Variants in TRAPPC9 observed in about 807,000 individuals in gnomAD.
The protein encoded by TRAPPC9 is trafficking protein particle complex subunit 9.
In TRAPPC9, 83 loss-of-function variants were observed where a neutral mutation model predicts 124.0. That is an observed-to-expected ratio of 0.67 (90% CI 0.56 to 0.80). The LOEUF is 0.80. Ranked by LOEUF, TRAPPC9 falls within the 30% of genes least tolerant of loss-of-function variation. The pLI is 0.00. For missense variants in TRAPPC9, 1,302 were observed against 1,508.3 expected, an observed-to-expected ratio of 0.86 and a Z score of 2.27; for synonymous variants, 638 against 617.5, an observed-to-expected ratio of 1.03 and a Z score of -0.49.
At chr8:140,338,468 A>G (rs1588173241) in intron 9 of TRAPPC9, among the ~76,000 whole-genome samples, 4 of 152,236 alleles carry the variant, frequency 2.6e-5, no homozygotes, top group African/African-American at 7.2e-5. Flanking sequence ...ACCATGGTGC[A>G]TGGTACAGGT....
chr8:140,114,096 T>G (rs1357319409), intron 17 of TRAPPC9, among the ~76,000 whole-genome samples: 1 of 152,174 alleles, frequency 6.6e-6, no homozygotes, highest in Non-Finnish European at 1.5e-5. Context: ...GCACCTCCAG[T>G]AGCATAGCTG....
chr8:140,047,166 T>A (rs1202647369), intron 17 of TRAPPC9, among the ~76,000 whole-genome samples: 1 of 152,194 alleles, frequency 6.6e-6, no homozygotes, highest in Non-Finnish European at 1.5e-5. Flanking sequence ...AGGAGCTAAA[T>A]ATAGCTCCTC....
chr8:140,450,496 G>A lies in TRAPPC9; in HGVS notation c.584+294C>T, dbSNP rs139109428. 1.5e-3 allele frequency among the ~76,000 whole-genome samples: 226 copies of A among 152,302 alleles called. 3 individuals carry two copies. The East Asian group carries it at 0.036, about 24-fold the overall frequency. On this transcript the variant is annotated intron_variant, in intron 2 of 22. Coordinates refer to ENST00000438773, the MANE Select transcript of TRAPPC9 (RefSeq NM_001160372.4). Reference sequence around the variant, plus strand: ...AAAGCCACAACTGGCTGTGGCTGCTGTATGGGACAGAGCTCCAGGAGTCCC... The same window carrying A: ...AAAGCCACAACTGGCTGTGGCTGCTATATGGGACAGAGCTCCAGGAGTCCC...
intron 21 of TRAPPC9, among the ~76,000 whole-genome samples, chr8:139,828,836 G>C (rs1301608450): frequency 6.6e-6 from 1 of 152,172 alleles, no homozygotes; most frequent in Non-Finnish European, 1.5e-5. Context: ...TGAAACCAAT[G>C]AATAAGAGAT....
rs1159278685 is a variant in TRAPPC9 at position 140,411,881 on chromosome 8, T to C, written c.887-6183A>G. ...AAGGAGAAAAGAAAAAAAAAGCTCC[T>C]GCTTATAGTAAAATGCGAATAAACA... On this transcript the variant is annotated intron_variant, in intron 5 of 22. Coordinates refer to ENST00000438773, the MANE Select transcript of TRAPPC9 (RefSeq NM_001160372.4). 2.0e-5 allele frequency among the ~76,000 whole-genome samples: 3 copies of C among 152,170 alleles called. No homozygotes were observed. The East Asian group carries it at 5.8e-4, about 29-fold the overall frequency.
intron 17 of TRAPPC9, among the ~76,000 whole-genome samples, chr8:140,175,852 T>C (rs946785715): frequency 1.3e-5 from 2 of 152,212 alleles, no homozygotes; most frequent in Non-Finnish European, 2.9e-5. Flanking sequence ...ATGCAAAACA[T>C]CTACAACTAT....
At chr8:140,149,269 A>G (rs759808933) in intron 17 of TRAPPC9, among the ~76,000 whole-genome samples, 4 of 152,170 alleles carry the variant, frequency 2.6e-5, no homozygotes, top group Non-Finnish European at 5.9e-5. Flanking sequence ...CTTCCAATGG[A>G]CCAGGAAGTT....
intron 16 of TRAPPC9, among the ~76,000 whole-genome samples, chr8:140,232,077 T>A (rs1051979432): frequency 1.3e-5 from 2 of 151,626 alleles, no homozygotes; most frequent in African/African-American, 4.8e-5. Context: ...CCCAGCCTGT[T>A]TTTTTTAAAA....
chr8:139,981,024 T>C (rs1836857886), intron 19 of TRAPPC9, among the ~76,000 whole-genome samples: 1 of 152,206 alleles, frequency 6.6e-6, no homozygotes, highest in Admixed American at 6.5e-5. Flanking sequence ...AGAATTTCTC[T>C]TGTCACCTGA....
At chr8:139,910,383 G>A (rs773717606) in intron 19 of TRAPPC9, 83 bp from the exon 20 acceptor site, 70 of 1,311,176 alleles carry the variant, frequency 5.3e-5, no homozygotes, top group Admixed American at 2.4e-4. Flanking sequence ...ACATGCCAGC[G>A]TGAGACACTA....
At chr8:139,876,300 A>T (rs1173436519) in intron 21 of TRAPPC9, among the ~76,000 whole-genome samples, 2 of 152,206 alleles carry the variant, frequency 1.3e-5, no homozygotes, top group African/African-American at 4.8e-5. Flanking sequence ...TCAGGGCAGA[A>T]GGTGCTGTTC....
At chr8:139,969,245 C>T (rs7017074) in intron 19 of TRAPPC9, among the ~76,000 whole-genome samples, 30,935 of 152,256 alleles carry the variant, frequency 0.2, 4,158 homozygotes, top group East Asian at 0.48. Flanking sequence ...ACACCTCCCA[C>T]CCCAGGGCAG....
intron 21 of TRAPPC9, among the ~76,000 whole-genome samples, chr8:139,744,981 C>G (rs555038696): frequency 5.3e-5 from 8 of 152,336 alleles, no homozygotes; most frequent in Non-Finnish European, 1.0e-4. Context: ...GATGCCAGGG[C>G]CCCTGTGGAG....
chr8:140,022,771 T>C (rs1052883707), intron 18 of TRAPPC9, among the ~76,000 whole-genome samples: 3 of 151,912 alleles, frequency 2.0e-5, no homozygotes, highest in Non-Finnish European at 4.4e-5. Flanking sequence ...CAGAGGCGGG[T>C]CTTGGCAGGA....
chr8:139,779,774 A>C (rs1256774778), intron 21 of TRAPPC9, among the ~76,000 whole-genome samples: 1 of 151,428 alleles, frequency 6.6e-6, no homozygotes, highest in Non-Finnish European at 1.5e-5. Context: ...AGAAAATCTA[A>C]AAGAATTGAC....
intron 7 of TRAPPC9, among the ~76,000 whole-genome samples, chr8:140,375,002 G>A (rs2068393663): frequency 6.6e-6 from 1 of 152,186 alleles, no homozygotes; most frequent in Non-Finnish European, 1.5e-5. Context: ...GTTCCTTAAT[G>A]GGAAAAGCTC....
At chr8:139,875,583 G>A (rs536937821) in intron 21 of TRAPPC9, among the ~76,000 whole-genome samples, 46 of 152,242 alleles carry the variant, frequency 3.0e-4, no homozygotes, top group African/African-American at 1.1e-3. Context: ...GACAGCCTTC[G>A]CCCCCCACAC....
intron 18 of TRAPPC9, among the ~76,000 whole-genome samples, chr8:140,012,417 C>G (rs1839198547): frequency 6.6e-6 from 1 of 152,238 alleles, no homozygotes; most frequent in African/African-American, 2.4e-5. Context: ...TGTAACATAC[C>G]TGTAAAGACT....
chr8:139,925,864 G>C (rs898585748), intron 19 of TRAPPC9, among the ~76,000 whole-genome samples: 1 of 151,284 alleles, frequency 6.6e-6, no homozygotes, highest in African/African-American at 2.4e-5. Context: ...ATTTACCTCT[G>C]AGTTATGTAC....
Sources: gnomAD v4.1 joint callset for allele counts (sites outside exome capture counted in the v4.1 genomes callset) on GRCh38, gnomAD v4.1.1 for gene constraint, MANE v1.5 for transcripts, NCBI Gene and HGNC (gene_info 2026-07-23, HGNC 2026-07-21) for gene names.